Variants in NUDT17 observed in about 807,000 individuals in gnomAD.
The protein encoded by NUDT17 is nudix hydrolase 17, also known as m7GpppN-mRNA hydrolase NUDT17.
A neutral mutation model predicts 38.6 loss-of-function variants in NUDT17; 38 were observed. The ratio of observed to expected loss-of-function variants is 0.98; its 90% CI spans 0.76 to 1.29. The LOEUF is 1.29. Among genes scored for constraint, NUDT17 ranks in the 50% most tolerant of loss-of-function variants. NUDT17 has a pLI of 0.00. For synonymous variants in NUDT17, 192 were observed against 167.8 expected, an observed-to-expected ratio of 1.14 and a Z score of -1.11; for missense variants, 462 against 415.2, an observed-to-expected ratio of 1.11 and a Z score of -0.98.
In NUDT17 at chr1:145,848,699, C is replaced by T. The variant is rs191164730; in HGVS notation, c.*220C>T. On this transcript the variant is annotated 3_prime_UTR_variant, in exon 8 of 8. Transcript: ENST00000334513. ...GAATGAGCCAGGCCTAACTACAGGGCCATGAGCCTCTAGAAGCTTAGGGGG... is the reference window on the plus strand; with the variant it reads ...GAATGAGCCAGGCCTAACTACAGGGTCATGAGCCTCTAGAAGCTTAGGGGG... 5.2e-5 allele frequency: 27 copies of T among 519,526 alleles called. No homozygotes were observed. Among genetic ancestry groups the T allele is most frequent in the South Asian group, 4.2e-4 (16 of 38,372 alleles). 32.2% of individuals were successfully genotyped at this position (519,526 alleles called of 1,614,324 possible).
rs782540724 is a variant in NUDT17 at position 145,845,678 on chromosome 1, G to T, written c.38G>T (p.Arg13Leu). ...CGGGTGCAGCTGCTCCTGTCCCGGC[G>T]TCCGGAGTCGGTGAGCTTCGCACGG... ...EVRVQLLLSRRPESVSFARSV... is the reference protein window; with the variant it reads ...EVRVQLLLSRLPESVSFARSV... The change falls in exon 1 of 8, where the codon CGT becomes CTT. Residue 13 changes from arginine to leucine, a missense_variant. Arg to Leu is a moderately radical substitution (Grantham distance 102). Transcript: ENST00000334513. 34 of 1,536,318 alleles carry T rather than the reference G, an allele frequency of 2.2e-5. No individual in the cohort carries two copies. Among genetic ancestry groups the T allele is most frequent in the Non-Finnish European group, 2.7e-5 (31 of 1,135,948 alleles).
intron 3 of NUDT17, 69 bp downstream of exon 3, chr1:145,846,527 G>A (rs1281030365): frequency 1.9e-6 from 3 of 1,604,918 alleles, no homozygotes; most frequent in Non-Finnish European, 2.6e-6. Context: ...TGTGGGCTGA[G>A]GGAGAGGCAA....
intron 5 of NUDT17, 24 bp from the exon 6 acceptor site, chr1:145,847,559 A>AG (rs782503789): frequency 1.2e-6 from 2 of 1,611,182 alleles, no homozygotes; most frequent in South Asian, 2.2e-5. Flanking sequence ...GCAATGACTG[A>AG]GGGGTCACCA....
chr1:145,846,353 GGA>G (rs782704161), intron 2 of NUDT17, 78 bp from the exon 3 acceptor site: 1 of 1,545,762 alleles, frequency 6.5e-7, no homozygotes, highest in Non-Finnish European at 8.9e-7. Context: ...CCACTGGAGG[GGA>G]GAGGAGTGTC....
At position 145,848,388 on chromosome 1, in the gene NUDT17, C is replaced by CGTGTAAAA. The variant is rs782554096; in HGVS notation, c.900_907dup (p.Ala303ValfsTer32). On this transcript the variant is annotated frameshift_variant, in exon 8 of 8. Transcript: ENST00000334513. LOFTEE classifies it low-confidence loss of function (END_TRUNC). The stretch of plus-strand genomic sequence containing the variant: ...GAATTCCTCCACAGAACACCCCCAC[C>CGTGTAAAA]GTGTAAAAGTGCAGCTTACCTGGAC... 164 of 1,613,820 alleles carry CGTGTAAAA rather than the reference C, an allele frequency of 1.0e-4. No individual in the cohort carries two copies. Among genetic ancestry groups the CGTGTAAAA allele is most frequent in the Middle Eastern group, 1.6e-4 (1 of 6,082 alleles).
intron 4 of NUDT17, 152 bp from the exon 5 acceptor site, chr1:145,847,098 G>C (rs1245084056): frequency 3.5e-6 from 2 of 577,094 alleles, no homozygotes; most frequent in Non-Finnish European, 6.1e-6. Flanking sequence ...GGAGGCTGAG[G>C]CTGGAGAATT....
intron 1 of NUDT17, 55 bp from the exon 2 acceptor site, chr1:145,845,957 CG>C (rs1652635863): frequency 1.9e-6 from 3 of 1,545,066 alleles, no homozygotes; most frequent in Non-Finnish European, 2.6e-6. Context: ...TTGGAAGTCA[CG>C]CCCACCCAGT....
chr1:145,845,761 A>G lies in NUDT17; in HGVS notation c.121A>G (p.Ser41Gly). 1 of 1,582,170 alleles carries G rather than the reference A, an allele frequency of 6.3e-7. No individual in the cohort carries two copies. ...PGLGTWPIHC[S>G]LKRGRLVLSS... ...GCTCGGGACGTGGCCCATTCACTGCAGCTTGAAGCGAGGACGGCTTGTCCT... is the reference window on the plus strand; with the variant it reads ...GCTCGGGACGTGGCCCATTCACTGCGGCTTGAAGCGAGGACGGCTTGTCCT... The change falls in exon 1 of 8, where the codon AGC (serine) becomes GGC (glycine). Residue 41 changes from serine to glycine, a missense_variant. Transcript: ENST00000334513.
In NUDT17 at chr1:145,848,148, T is replaced by G; in HGVS notation, c.768T>G (p.Pro256=). 1 of 1,614,094 alleles carries G rather than the reference T, an allele frequency of 6.2e-7. No individual in the cohort carries two copies. The highest frequency in any genetic ancestry group is 1.1e-5 in the South Asian group (1 of 91,080). Residue 256 remains proline (P), a synonymous_variant, in exon 7 of 8, where the codon CCT becomes CCG. Coordinates refer to ENST00000334513, the MANE Select transcript of NUDT17 (RefSeq NM_001012758.3). ...VELEEDGRAR[P]LVLHMSTLLR... ...TAGAGGAGGATGGAAGAGCCCGACC[T>G]CTGGTCCTGCACATGTCCACCCTCC...
intron 6 of NUDT17, 100 bp from the exon 7 acceptor site, chr1:145,848,012 C>A: frequency 7.1e-7 from 1 of 1,405,528 alleles, no homozygotes; most frequent in Non-Finnish European, 9.9e-7. Context: ...CAACACCCAC[C>A]CACCTCCTGT....
rs782068894 is a variant in NUDT17, at chr1:145,847,693, C to A, written c.705C>A (p.Leu235=). ...ATGGGACAGAGACACCCGGACTTCTCCCCCAGGACCTACCACCCTCTGTCC... is the reference window on the plus strand; with the variant it reads ...ATGGGACAGAGACACCCGGACTTCTACCCCAGGACCTACCACCCTCTGTCC... ...AEDGTETPGL[L]PQDLPPSVLA... Residue 235 remains leucine, a synonymous_variant, in exon 6 of 8, where the codon CTC becomes CTA. Coordinates refer to ENST00000334513, the MANE Select transcript of NUDT17 (RefSeq NM_001012758.3). 2.5e-6 allele frequency: 4 copies of A among 1,613,958 alleles called. No homozygotes were observed. Among genetic ancestry groups the A allele is most frequent in the African/African-American group, 2.7e-5 (2 of 74,894 alleles).
rs1437887895 is a variant in NUDT17 at position 145,846,449 on chromosome 1, TGAG to T, written c.401_402+1del. On this transcript the variant is annotated inframe_deletion, in exon 3 of 8. Transcript: ENST00000334513. ...TTGTTGCAGGTGGGCACGTGGAACT[TGAG>T]GAGGAGGTAACCAGTCAGCTGATCC... 3.1e-6 allele frequency: 5 copies of T among 1,613,422 alleles called. No homozygotes were observed. Among genetic ancestry groups the T allele is most frequent in the East Asian group, 4.5e-5 (2 of 44,854 alleles).
intron 2 of NUDT17, 43 bp from the exon 3 acceptor site, chr1:145,846,390 C>G (rs1652678630): frequency 3.1e-6 from 5 of 1,613,230 alleles, no homozygotes; most frequent in Non-Finnish European, 4.2e-6. Flanking sequence ...GCTCCCTGGC[C>G]AAGACCACCA....
rs371186827 is a variant in NUDT17 at position 145,847,328 on chromosome 1, G to T, written c.574G>T (p.Glu192Ter). Residue 192 changes from glutamate (E) to a stop codon, truncating the protein, a stop_gained, in exon 5 of 8, where the codon GAA (glutamate) becomes TAA (stop). Coordinates refer to ENST00000334513, the MANE Select transcript of NUDT17 (RefSeq NM_001012758.3). LOFTEE classifies it high-confidence loss of function. Reference sequence around the variant, plus strand: ...TCTGTATCTACTCGTGATCTCCCAGGAATCACAGCAGCAGTTGCAGGTAGG... The same window carrying T: ...TCTGTATCTACTCGTGATCTCCCAGTAATCACAGCAGCAGTTGCAGGTAGG... Reference protein sequence around the residue: ...IVLYLLVISQESQQQLQARIQ... With the variant: ...IVLYLLVISQ 1 of 1,603,866 alleles carries T rather than the reference G, an allele frequency of 6.2e-7. No homozygotes were observed. The highest frequency in any genetic ancestry group is 8.5e-7 in the Non-Finnish European group (1 of 1,174,202).
In NUDT17 at chr1:145,848,225, C is replaced by T. The variant is rs1262631368; in HGVS notation, c.845C>T (p.Thr282Ile). The change falls in exon 7 of 8, where the codon ACC (threonine) becomes ATC (isoleucine). Residue 282 changes from threonine (T) to isoleucine (I), a missense_variant. Transcript: ENST00000334513. Reference protein sequence around the residue: ...AEDKERVSTGTKFALKLWLQH... With the variant: ...AEDKERVSTGIKFALKLWLQH... ...GACAAAGAGAGAGTCAGCACTGGAA[C>T]CAAGTTTGCCCTCAAGCTCTGGCTG... is the stretch of plus-strand genomic sequence containing the variant. 2 of 1,614,052 alleles carry T rather than the reference C, an allele frequency of 1.2e-6. No individual in the cohort carries two copies. The highest frequency in any genetic ancestry group is 2.7e-5 in the African/African-American group (2 of 74,900).
rs782358638 is a variant in NUDT17, at chr1:145,848,164, T to G, written c.784T>G (p.Ser262Ala). Residue 262 changes from serine to alanine, a missense_variant, in exon 7 of 8, where the codon TCC (serine) becomes GCC (alanine). By Grantham distance (99) the Ser-to-Ala change is moderately conservative. Transcript: ENST00000334513. ...GRARPLVLHM[S>A]TLLRMIPTMA... ...AGCCCGACCTCTGGTCCTGCACATG[T>G]CCACCCTCCTGCGGATGATCCCAAC... is the stretch of plus-strand genomic sequence containing the variant. The G allele has an allele frequency of 6.2e-7, 1 of 1,614,156 alleles. No individual in the cohort carries two copies. Among genetic ancestry groups the G allele is most frequent in the South Asian group, 1.1e-5 (1 of 91,080 alleles).
rs1169966044 is a variant in NUDT17, at chr1:145,846,122, C to T, written c.302C>T (p.Ser101Phe). The T allele has an allele frequency of 1.2e-6, 2 of 1,600,926 alleles. No individual in the cohort carries two copies. Among genetic ancestry groups the T allele is most frequent in the African/African-American group, 2.7e-5 (2 of 74,652 alleles). The change falls in exon 2 of 8, where the codon TCC becomes TTC. Residue 101 changes from serine to phenylalanine, a missense_variant. Physicochemically the swap from Ser to Phe is radical, Grantham distance 155 (BLOSUM62 -2). Coordinates refer to ENST00000334513, the MANE Select transcript of NUDT17 (RefSeq NM_001012758.3). ...CTGGGTGTGGCCGTCATTCTGCAGT[C>T]CAGCGACAAGACTGTCTTGCTAACC... Reference protein sequence around the residue: ...VDLGVAVILQSSDKTVLLTRR... With the variant: ...VDLGVAVILQFSDKTVLLTRR...
At chr1:145,845,858 G>A in intron 1 of NUDT17, 26 bp downstream of exon 1, 1 of 1,562,628 alleles carries the variant, frequency 6.4e-7, no homozygotes, top group Non-Finnish European at 8.7e-7. Context: ...CCCCAGAGCG[G>A]GGGCAGTGAA....
In NUDT17 at chr1:145,846,579, T is replaced by A; in HGVS notation, c.403-19T>A. 6.2e-7 allele frequency: 1 copy of A among 1,612,348 alleles called. No homozygotes were observed. Among genetic ancestry groups the A allele is most frequent in the Non-Finnish European group, 8.5e-7 (1 of 1,178,342 alleles). ...GAGTCAGGCACTGGCCCCTCTGATGTGTCTTCTCTGACTCCCAGCTGCTGG... is the reference window on the plus strand; with the variant it reads ...GAGTCAGGCACTGGCCCCTCTGATGAGTCTTCTCTGACTCCCAGCTGCTGG... On this transcript the variant is annotated intron_variant, in intron 3 of 7. Transcript: ENST00000334513.
Sources: allele counts gnomAD v4.1 joint callset, GRCh38; gene constraint gnomAD v4.1.1; transcripts MANE v1.5; gene names NCBI Gene and HGNC (gene_info 2026-07-23, HGNC 2026-07-21).